Variants in RREB1 observed in about 807,000 individuals in gnomAD.
RREB1 encodes ras responsive element binding protein 1.
RREB1 carries 27 observed loss-of-function variants against 117.8 expected under a neutral mutation model. That is an observed-to-expected ratio of 0.23 (90% confidence interval 0.17 to 0.32). The LOEUF (loss-of-function observed/expected upper bound fraction) is 0.32, where lower values mean the gene tolerates loss of function less well. Among genes scored for constraint, RREB1 ranks in the 10% least tolerant of loss-of-function variants. The pLI is 1.00. For missense variants in RREB1, 2,577 were observed against 2,378.2 expected, an observed-to-expected ratio of 1.08 and a Z score of -1.74; for synonymous variants, 1,298 against 1,026.7, an observed-to-expected ratio of 1.26 and a Z score of -5.05.
Position 7,187,540 on chromosome 6 carries a change from C to CTTTA in RREB1, c.261+20_261+21insATTT, listed in dbSNP as rs1765146336. On this transcript the variant is annotated intron_variant, in intron 5 of 12. Coordinates refer to ENST00000379938, the MANE Select transcript of RREB1 (RefSeq NM_001003699.4). ...ATTCGCCAGGTAGATTCCCACTGTT[C>CTTTA]TTTTATTTTATTTTATTTTATTTTA... The CTTTA allele has an allele frequency of 4.7e-6, 4 of 847,768 alleles. No homozygotes were observed. The highest frequency in any genetic ancestry group is 5.0e-6 in the Non-Finnish European group (3 of 605,532). The allele number at this position is 847,768 out of a possible 1,614,324, so 52.5% of individuals were successfully genotyped here. A position where few individuals can be genotyped will look rare whatever the true frequency, so the allele number is the denominator to read the frequency against.
At chr6:7,180,545 G>GC (rs1209652718) in intron 2 of RREB1, among the ~76,000 whole-genome samples, 1 of 152,234 alleles carries the variant, frequency 6.6e-6, no homozygotes, top group Non-Finnish European at 1.5e-5. Flanking sequence ...AATGAGGGAA[G>GC]CAGTAGACTT....
chr6:7,246,650 T>A lies in RREB1; in HGVS notation c.4200T>A (p.Thr1400=), dbSNP rs1366722570. 1 of 1,575,668 alleles carries A rather than the reference T, an allele frequency of 6.3e-7. No homozygotes were observed. Among genetic ancestry groups the A allele is most frequent in the Non-Finnish European group, 8.6e-7 (1 of 1,160,830 alleles). Residue 1400 remains threonine, a synonymous_variant, in exon 12 of 13, where the codon ACT becomes ACA. Transcript: ENST00000379938. The stretch of plus-strand genomic sequence containing the variant: ...AGGAGCATGGCACTGAGGAGAGCAC[T>A]GGGGACGCCGACGGCGCGGAAGAGG... ...PEEEHGTEES[T]GDADGAEEDA... is the part of the protein sequence containing the mutation.
At chr6:7,168,487 C>T (rs967960911) in intron 1 of RREB1, among the ~76,000 whole-genome samples, 6 of 152,176 alleles carry the variant, frequency 3.9e-5, no homozygotes, top group Admixed American at 1.3e-4. Flanking sequence ...TTTTAATTAA[C>T]TAGTGGTTAC....
At chr6:7,129,379 C>A (rs1290810831) in intron 1 of RREB1, among the ~76,000 whole-genome samples, 1 of 152,148 alleles carries the variant, frequency 6.6e-6, no homozygotes, top group Non-Finnish European at 1.5e-5. Context: ...GGTAGGGAGT[C>A]CAAAGTTTTT....
chr6:7,208,952 A>G (rs897053459), intron 6 of RREB1, among the ~76,000 whole-genome samples: 6 of 152,142 alleles, frequency 3.9e-5, no homozygotes, highest in Admixed American at 3.9e-4. Flanking sequence ...GGTCGGCTCA[A>G]GCTCTGAGGC....
intron 6 of RREB1, among the ~76,000 whole-genome samples, chr6:7,194,652 A>G (rs900622368): frequency 1.3e-5 from 2 of 152,210 alleles, no homozygotes; most frequent in African/African-American, 4.8e-5. Context: ...GCTAAGTTCT[A>G]ATCTTAGTTC....
chr6:7,130,659 C>A (rs954209299), intron 1 of RREB1, among the ~76,000 whole-genome samples: 4 of 151,800 alleles, frequency 2.6e-5, no homozygotes, highest in African/African-American at 9.7e-5. Context: ...CTCTGTCACC[C>A]AGGCTGGAGT....
intron 1 of RREB1, among the ~76,000 whole-genome samples, chr6:7,166,031 C>G (rs967010298): frequency 6.6e-6 from 1 of 152,192 alleles, no homozygotes; most frequent in Non-Finnish European, 1.5e-5. Flanking sequence ...TTTCAGGCCC[C>G]GCTGGGCCGT....
At position 7,245,735 on chromosome 6, in the gene RREB1, C is replaced by T. The variant is rs536127244; in HGVS notation, c.3974-689C>T. On this transcript the variant is annotated intron_variant, in intron 11 of 12. Transcript: ENST00000379938. ...CACCCACAGCCCTTCACAGTCCGCT[C>T]CCCTCACTGTGTGCTGTTGCCAAGC... Among the ~76,000 whole-genome samples, 3 of 152,312 alleles carry T rather than the reference C, an allele frequency of 2.0e-5. No homozygotes were observed. In the South Asian group the frequency reaches 6.2e-4, roughly 32 times the overall value.
intron 8 of RREB1, among the ~76,000 whole-genome samples, chr6:7,226,138 C>T (rs572358952): frequency 6.6e-6 from 1 of 152,162 alleles, no homozygotes. Flanking sequence ...AATGCCTGAT[C>T]GAGGCGAGAG....
chr6:7,246,917 G>A lies in RREB1; in HGVS notation c.4467G>A (p.Gly1489=). Residue 1489 remains glycine (G), a synonymous_variant, in exon 12 of 13, where the codon GGG becomes GGA. Coordinates refer to ENST00000379938, the MANE Select transcript of RREB1 (RefSeq NM_001003699.4). The part of the protein sequence containing the change: ...KGDGASTAEE[G]PQPAPEQEEK... Reference sequence around the variant, plus strand: ...ATGGCGCCAGCACTGCAGAGGAGGGGCCCCAGCCCGCCCCTGAACAGGAGG... The same window carrying A: ...ATGGCGCCAGCACTGCAGAGGAGGGACCCCAGCCCGCCCCTGAACAGGAGG... The A allele has an allele frequency of 1.3e-6, 2 of 1,554,286 alleles. No homozygotes were observed. The highest frequency in any genetic ancestry group is 1.7e-6 in the Non-Finnish European group (2 of 1,149,818).
chr6:7,215,895 C>T (rs1028221808), intron 8 of RREB1: 2 of 152,176 alleles, frequency 1.3e-5, no homozygotes, highest in African/African-American at 4.8e-5. Context: ...TCAGATGAGC[C>T]ACCTACGGCA....
intron 1 of RREB1, among the ~76,000 whole-genome samples, chr6:7,157,933 G>T (rs1581466490): frequency 6.6e-6 from 1 of 152,076 alleles, no homozygotes. Context: ...GCCAGCCCCT[G>T]TTGCTGTGCC....
At chr6:7,222,955 G>A (rs949634342) in intron 8 of RREB1, among the ~76,000 whole-genome samples, 47 of 152,186 alleles carry the variant, frequency 3.1e-4, no homozygotes, top group African/African-American at 1.1e-3. Context: ...TAGTACAGAA[G>A]TCTCAAAAGT....
chr6:7,208,907 G>T (rs1384978976), intron 6 of RREB1, among the ~76,000 whole-genome samples: 1 of 152,172 alleles, frequency 6.6e-6, no homozygotes, highest in Non-Finnish European at 1.5e-5. Flanking sequence ...GGCTGGGTTT[G>T]GGGGAAGAGC....
chr6:7,134,603 C>T (rs1157455926), intron 1 of RREB1, among the ~76,000 whole-genome samples: 3 of 152,214 alleles, frequency 2.0e-5, no homozygotes, highest in East Asian at 1.9e-4. Context: ...AAAACTCTAT[C>T]GACATTTTAG....
chr6:7,222,038 CTG>C (rs1184689000), intron 8 of RREB1, among the ~76,000 whole-genome samples: 1 of 152,158 alleles, frequency 6.6e-6, no homozygotes, highest in Non-Finnish European at 1.5e-5. Flanking sequence ...AGAAGGGAAA[CTG>C]AGGTGTGAAG....
intron 1 of RREB1, among the ~76,000 whole-genome samples, chr6:7,175,307 G>A (rs1458710674): frequency 7.0e-6 from 1 of 142,364 alleles, no homozygotes; most frequent in Non-Finnish European, 1.5e-5. Context: ...TAGGGTCCCT[G>A]ACCCTCCTGG....
chr6:7,187,093 A>G (rs1037257986), intron 4 of RREB1, among the ~76,000 whole-genome samples: 4 of 151,502 alleles, frequency 2.6e-5, no homozygotes, highest in East Asian at 1.9e-4. Context: ...TCAATGCTTA[A>G]TTTTTCACCA....
Sources: gnomAD v4.1 joint callset for allele counts (sites outside exome capture counted in the v4.1 genomes callset) on GRCh38, gnomAD v4.1.1 for gene constraint, MANE v1.5 for transcripts, NCBI Gene and HGNC (gene_info 2026-07-23, HGNC 2026-07-21) for gene names.